The following CADPS2 variants were observed in gnomAD, a reference collection of about 807,000 sequenced individuals.
CADPS2 encodes the protein calcium dependent secretion activator 2.
CADPS2 carries 93 observed loss-of-function variants against 172.5 expected under a neutral mutation model. That is an observed-to-expected ratio of 0.54 (90% CI 0.46 to 0.64). The LOEUF (loss-of-function observed/expected upper bound fraction) is 0.64, where lower values mean the gene tolerates loss of function less well. Ranked by LOEUF, CADPS2 falls within the 30% of genes least tolerant of loss-of-function variation. CADPS2 has a pLI of 0.00. For missense variants in CADPS2, 1,420 were observed against 1,565.9 expected (o/e 0.91, Z 1.57); for synonymous variants, 546 against 555.2 (o/e 0.98, Z 0.23).
At chr7:122,750,553 A>AT (rs2092909148) in intron 1 of CADPS2, among the ~76,000 whole-genome samples, 1 of 152,054 alleles carries the variant, frequency 6.6e-6, no homozygotes, top group Non-Finnish European at 1.5e-5. Context: ...GTCAGCTCCA[A>AT]TTTCTTAATC....
intron 3 of CADPS2, among the ~76,000 whole-genome samples, chr7:122,635,422 C>A (rs1461775243): frequency 7.2e-6 from 1 of 138,764 alleles, no homozygotes; most frequent in Non-Finnish European, 1.6e-5. Context: ...AAAGCTATCC[C>A]TCCCCCCTCC....
At position 122,835,930 on chromosome 7, in the gene CADPS2, G is replaced by A. The variant is rs546950250; in HGVS notation, c.339+50069C>T. On this transcript the variant is annotated intron_variant, in intron 1 of 29. Coordinates refer to ENST00000449022, the MANE Select transcript of CADPS2 (RefSeq NM_017954.11). ...TTCAAACTCAGGAAATACAGAGAACGCCACAAAGATACTCCTCGAGAAGAG... is the reference window on the plus strand; with the variant it reads ...TTCAAACTCAGGAAATACAGAGAACACCACAAAGATACTCCTCGAGAAGAG... 1.8e-4 allele frequency among the ~76,000 whole-genome samples: 27 copies of A among 152,094 alleles called. No homozygotes were observed. In the East Asian group the frequency reaches 3.7e-3, roughly 21 times the overall value.
chr7:122,816,511 G>C (rs1299804695), intron 1 of CADPS2, among the ~76,000 whole-genome samples: 1 of 152,178 alleles, frequency 6.6e-6, no homozygotes, highest in African/African-American at 2.4e-5. Flanking sequence ...AGTACAGGTA[G>C]CTCTTAAATA....
chr7:122,519,659 G>T lies in CADPS2; in HGVS notation c.1476-6344C>A, dbSNP rs141461155. Among the ~76,000 whole-genome samples the T allele has an allele frequency of 2.0e-3, 311 of 151,742 alleles. 3 individuals are homozygous for T. Among genetic ancestry groups the T allele is most frequent in the African/African-American group, 7.3e-3 (302 of 41,412 alleles). On this transcript the variant is annotated intron_variant, in intron 8 of 29. Coordinates refer to ENST00000449022, the MANE Select transcript of CADPS2 (RefSeq NM_017954.11). ...CACAAAGACAACTAAATATATTCCA[G>T]TTTCATTCATCTATGACTTAAAAAA...
chr7:122,652,484 C>T (rs1334789717), intron 3 of CADPS2, among the ~76,000 whole-genome samples: 2 of 152,054 alleles, frequency 1.3e-5, no homozygotes, highest in Non-Finnish European at 2.9e-5. Flanking sequence ...AACATTGTTT[C>T]TCTAAAAGAA....
At chr7:122,445,378 A>G (rs749877682) in intron 15 of CADPS2, among the ~76,000 whole-genome samples, 1 of 152,084 alleles carries the variant, frequency 6.6e-6, no homozygotes, top group African/African-American at 2.4e-5. Flanking sequence ...TTTCTCAGCA[A>G]TACTTTATAC....
At chr7:122,541,714 T>C (rs1247756188) in intron 8 of CADPS2, among the ~76,000 whole-genome samples, 1 of 146,044 alleles carries the variant, frequency 6.8e-6, no homozygotes, top group African/African-American at 2.5e-5. Flanking sequence ...TTCATATATT[T>C]ACATATATTC....
chr7:122,482,627 C>T (rs1316286072), intron 11 of CADPS2, among the ~76,000 whole-genome samples: 1 of 152,112 alleles, frequency 6.6e-6, no homozygotes, highest in Non-Finnish European at 1.5e-5. Context: ...CAACGTGATT[C>T]CTGAGGGACG....
At chr7:122,836,432 T>A (rs1332115592) in intron 1 of CADPS2, among the ~76,000 whole-genome samples, 16 of 151,830 alleles carry the variant, frequency 1.1e-4, no homozygotes, top group Non-Finnish European at 2.2e-4. Flanking sequence ...CATAACAATA[T>A]TAACCTTAAA....
At chr7:122,463,563 C>T (rs2054742575) in intron 14 of CADPS2, among the ~76,000 whole-genome samples, 1 of 152,040 alleles carries the variant, frequency 6.6e-6, no homozygotes, top group African/African-American at 2.4e-5. Context: ...GTAGTAAAAA[C>T]AGAATTTAGT....
chr7:122,737,123 T>G, intron 1 of CADPS2, 55 bp from the exon 2 acceptor site: 1 of 865,170 alleles, frequency 1.2e-6, no homozygotes, highest in Non-Finnish European at 1.9e-6. Context: ...GAAAAAATAA[T>G]GACTATTAAA....
intron 7 of CADPS2, among the ~76,000 whole-genome samples, chr7:122,565,903 C>T (rs1408557542): frequency 6.6e-6 from 1 of 152,144 alleles, no homozygotes; most frequent in African/African-American, 2.4e-5. Flanking sequence ...TTAACGAAAA[C>T]TTTGTAGCCT....
intron 27 of CADPS2, among the ~76,000 whole-genome samples, chr7:122,352,988 A>G (rs1299681726): frequency 6.6e-6 from 1 of 152,212 alleles, no homozygotes; most frequent in East Asian, 1.9e-4. Flanking sequence ...GGTAGAAACA[A>G]TAACAATTTA....
At chr7:122,361,220 T>G (rs1416130844) in intron 25 of CADPS2, among the ~76,000 whole-genome samples, 1 of 146,466 alleles carries the variant, frequency 6.8e-6, no homozygotes, top group Non-Finnish European at 1.5e-5. Context: ...CTGGAAATAA[T>G]ACACTTTTTT....
intron 6 of CADPS2, 123 bp downstream of exon 6, chr7:122,615,058 G>T (rs1403654281): frequency 2.0e-6 from 1 of 494,304 alleles, no homozygotes; most frequent in Non-Finnish European, 3.6e-6. Context: ...TTGAGACAAA[G>T]TTAGCCAAAT....
At chr7:122,428,735 C>T (rs1359606405) in intron 17 of CADPS2, among the ~76,000 whole-genome samples, 1 of 152,018 alleles carries the variant, frequency 6.6e-6, no homozygotes, top group Non-Finnish European at 1.5e-5. Context: ...TCCCAAAGTG[C>T]TGGGATTACA....
rs1168079483 is a variant in CADPS2, at chr7:122,360,836, A to G, written c.3472-16T>C. 10 of 1,575,724 alleles carry G rather than the reference A, an allele frequency of 6.3e-6. No homozygotes were observed. The highest frequency in any genetic ancestry group is 8.6e-6 in the Non-Finnish European group (10 of 1,159,912). On this transcript the variant is annotated splice_polypyrimidine_tract_variant and intron_variant, in intron 26 of 29. Coordinates refer to ENST00000449022, the MANE Select transcript of CADPS2 (RefSeq NM_017954.11). ...CTGCTTTCACCTTAAGTGTGAAAGA[A>G]AGAGATAATCATGAGAATTATTTTT...
At chr7:122,516,507 C>T (rs910454075) in intron 8 of CADPS2, among the ~76,000 whole-genome samples, 9 of 151,964 alleles carry the variant, frequency 5.9e-5, no homozygotes, top group Admixed American at 3.3e-4. Flanking sequence ...CACTGCACTC[C>T]GGCCTGGGTG....
At position 122,743,948 on chromosome 7, in the gene CADPS2, C is replaced by T. The variant is rs1312425479; in HGVS notation, c.340-6880G>A. Among the ~76,000 whole-genome samples, 3 of 152,166 alleles carry T rather than the reference C, an allele frequency of 2.0e-5. No homozygotes were observed. In the East Asian group the frequency reaches 5.8e-4, roughly 29 times the overall value. On this transcript the variant is annotated intron_variant, in intron 1 of 29. Transcript: ENST00000449022. ...ACCCTGTGGGATGTGCTGATATTATCAGTGTCGTATTCAAATAAACTTTCC... is the reference window on the plus strand; with the variant it reads ...ACCCTGTGGGATGTGCTGATATTATTAGTGTCGTATTCAAATAAACTTTCC...
Sources: allele counts gnomAD v4.1 joint callset (sites outside exome capture counted in the v4.1 genomes callset), GRCh38; gene constraint gnomAD v4.1.1; transcripts MANE v1.5; gene names NCBI Gene and HGNC (gene_info 2026-07-23, HGNC 2026-07-21).